NAV2: variants seen among roughly 807,000 people sequenced by gnomAD.
NAV2 encodes the protein helicase, APC down-regulated 1.
A neutral mutation model predicts 223.2 loss-of-function variants in NAV2; 54 were observed. The observed-to-expected ratio is 0.24, with a 90% CI of 0.19 to 0.30. The LOEUF is 0.30. Among genes scored for constraint, NAV2 ranks in the 10% least tolerant of loss-of-function variants. The probability of loss-of-function intolerance (pLI) is 1.00; values close to 1 mark genes in which losing one functional copy is unlikely to be tolerated. For synonymous variants in NAV2, 1,279 were observed against 1,239.3 expected, an observed-to-expected ratio of 1.03 and a Z score of -0.67; for missense variants, 2,806 against 3,147.5, an observed-to-expected ratio of 0.89 and a Z score of 2.60.
In NAV2 at chr11:20,083,370, G is replaced by A. The variant is rs535681437; in HGVS notation, c.5498+191G>A. Among the ~76,000 whole-genome samples, 9 of 152,286 alleles carry A rather than the reference G, an allele frequency of 5.9e-5. No individual in the cohort carries two copies. The South Asian group carries it at 1.0e-3, about 18-fold the overall frequency. On this transcript the variant is annotated intron_variant, in intron 26 of 37. Coordinates refer to ENST00000349880, the MANE Select transcript of NAV2 (RefSeq NM_145117.5). ...AAAGAGAAAAGAAACTTAGGTTTTC[G>A]TTCTGATGGTGTCAATATCCATAAC...
chr11:19,596,532 G>A (rs1341817565), intron 1 of NAV2, among the ~76,000 whole-genome samples: 1 of 152,198 alleles, frequency 6.6e-6, no homozygotes, highest in Non-Finnish European at 1.5e-5. Context: ...AGCTGGTGAG[G>A]CAACGGCTCT....
chr11:19,505,496 CA>C (rs1287607726), intron 1 of NAV2: 1 of 152,156 alleles, frequency 6.6e-6, no homozygotes, highest in African/African-American at 2.4e-5. Context: ...TTCATTGGGT[CA>C]ACTTGGGCCA....
intron 8 of NAV2, among the ~76,000 whole-genome samples, chr11:19,945,942 A>G (rs1023258837): frequency 6.6e-6 from 1 of 152,260 alleles, no homozygotes; most frequent in Non-Finnish European, 1.5e-5. Context: ...TTTGTGATTA[A>G]CAGGTGCAGA....
At chr11:20,111,240 T>C (rs1592210652) in intron 36 of NAV2, among the ~76,000 whole-genome samples, 1 of 152,318 alleles carries the variant, frequency 6.6e-6, no homozygotes, top group East Asian at 1.9e-4. Flanking sequence ...GTTTTAGTTT[T>C]CAATGTCTCA....
rs377027064 is a variant in NAV2, at chr11:20,071,758, C to G, written c.4983+3360C>G. 7.2e-5 allele frequency among the ~76,000 whole-genome samples: 11 copies of G among 152,306 alleles called. No individual in the cohort carries two copies. In the East Asian group the frequency reaches 1.5e-3, roughly 21 times the overall value. ...CTTTTGAAAAGTGTCTGTTCATATC[C>G]TTCACCCACTAAATGGGTGGGTGGG... On this transcript the variant is annotated intron_variant, in intron 22 of 37. Coordinates refer to ENST00000349880, the MANE Select transcript of NAV2 (RefSeq NM_145117.5).
chr11:19,496,689 G>A (rs1383384462), intron 1 of NAV2, among the ~76,000 whole-genome samples: 1 of 152,190 alleles, frequency 6.6e-6, no homozygotes, highest in African/African-American at 2.4e-5. Flanking sequence ...ACAAGGGCCT[G>A]AATGTTAGGT....
chr11:19,982,738 A>T (rs1323859479), intron 10 of NAV2, among the ~76,000 whole-genome samples: 1 of 151,764 alleles, frequency 6.6e-6, no homozygotes, highest in Admixed American at 6.6e-5. Flanking sequence ...ACATGAGATA[A>T]CTCCAGTGAG....
At chr11:19,612,783 T>C (rs1015107758) in intron 1 of NAV2, among the ~76,000 whole-genome samples, 2 of 152,190 alleles carry the variant, frequency 1.3e-5, no homozygotes, top group African/African-American at 4.8e-5. Context: ...TTCTGAGACC[T>C]CCAAACTGTT....
intron 10 of NAV2, among the ~76,000 whole-genome samples, chr11:19,956,572 G>C (rs1733755140): frequency 6.6e-6 from 1 of 152,152 alleles, no homozygotes; most frequent in Admixed American, 6.5e-5. Context: ...ACTGTGGCTG[G>C]TGTGTTATAA....
chr11:19,757,050 G>A (rs551660676), intron 1 of NAV2, among the ~76,000 whole-genome samples: 49 of 152,102 alleles, frequency 3.2e-4, no homozygotes, highest in African/African-American at 1.0e-3. Context: ...AGACCCTGAT[G>A]CCCAGAGAAC....
At chr11:20,005,253 A>ATATATTTTTTTT (rs1277010848) in intron 11 of NAV2, among the ~76,000 whole-genome samples, 66 of 134,532 alleles carry the variant, frequency 4.9e-4, no homozygotes, top group Non-Finnish European at 8.3e-4. Context: ...ATATATATAT[A>ATATATTTTTTTT]TTTTTTTTTT....
intron 1 of NAV2, among the ~76,000 whole-genome samples, chr11:19,685,094 C>A (rs1225607001): frequency 1.3e-5 from 2 of 152,158 alleles, no homozygotes; most frequent in Non-Finnish European, 2.9e-5. Context: ...TCCTGACCCT[C>A]AGAGGAGGCC....
chr11:19,406,729 C>T (rs576550856), intron 1 of NAV2, among the ~76,000 whole-genome samples: 1 of 152,202 alleles, frequency 6.6e-6, no homozygotes, highest in Non-Finnish European at 1.5e-5. Context: ...GGCTTCCCTG[C>T]CCCATCTCCC....
At chr11:19,799,560 C>T (rs938387782) in intron 1 of NAV2, among the ~76,000 whole-genome samples, 7 of 44,794 alleles carry the variant, frequency 1.6e-4, no homozygotes, top group Admixed American at 3.8e-4. Context: ...TATAGTGGTG[C>T]GGTTGGGGGC....
At chr11:20,015,574 C>T (rs11025356) in intron 11 of NAV2, among the ~76,000 whole-genome samples, 15,405 of 152,038 alleles carry the variant, frequency 0.1, 993 homozygotes, top group East Asian at 0.27. Flanking sequence ...TCATGGATTG[C>T]GGTTAAATGT....
At chr11:19,731,203 C>T (rs1042350480) in intron 1 of NAV2, among the ~76,000 whole-genome samples, 1 of 152,178 alleles carries the variant, frequency 6.6e-6, no homozygotes, top group Non-Finnish European at 1.5e-5. Context: ...TGTGCCCACC[C>T]TCCACCTCCC....
chr11:20,032,758 G>T (rs944096157), intron 11 of NAV2, among the ~76,000 whole-genome samples: 1 of 152,220 alleles, frequency 6.6e-6, no homozygotes, highest in African/African-American at 2.4e-5. Flanking sequence ...GAATCATTGG[G>T]CAGGGAGCTG....
intron 10 of NAV2, among the ~76,000 whole-genome samples, chr11:19,966,760 G>A (rs1315914827): frequency 1.3e-5 from 2 of 152,142 alleles, no homozygotes; most frequent in Non-Finnish European, 2.9e-5. Flanking sequence ...GTTTCCAAAC[G>A]CCTGGTAACA....
rs980698933 is a variant in NAV2 at position 19,453,760 on chromosome 11, G to A, written c.75+102733G>A. On this transcript the variant is annotated intron_variant, in intron 1 of 37. Transcript: ENST00000360655. ...TTCCAGCCATGAATCTAAACCCTTC[G>A]CTGATAAATCCTTTATCCTTTTAAA... 5.3e-5 allele frequency among the ~76,000 whole-genome samples: 8 copies of A among 152,034 alleles called. No individual in the cohort carries two copies. In the South Asian group the frequency reaches 1.0e-3, roughly 20 times the overall value.
Sources: allele counts gnomAD v4.1 joint callset (sites outside exome capture counted in the v4.1 genomes callset), GRCh38; gene constraint gnomAD v4.1.1; transcripts MANE v1.5; gene names NCBI Gene and HGNC (gene_info 2026-07-23, HGNC 2026-07-21).